The following ZNF385D variants were observed in gnomAD, a reference collection of about 807,000 sequenced individuals.
ZNF385D encodes the protein zinc finger protein 385D.
Under a neutral mutation model 35.8 loss-of-function variants are expected in ZNF385D, and 15 were observed. The observed-to-expected ratio is 0.42, with a 90% CI of 0.28 to 0.64. ZNF385D has a LOEUF of 0.64. Among genes scored for constraint, ZNF385D ranks in the 30% least tolerant of loss-of-function variants. ZNF385D has a pLI of 0.23. For missense variants in ZNF385D, 474 were observed against 494.6 expected, an observed-to-expected ratio of 0.96 and a Z score of 0.39; for synonymous variants, 212 against 186.8, an observed-to-expected ratio of 1.13 and a Z score of -1.10.
At chr3:21,569,268 T>G (rs1436705448) in intron 2 of ZNF385D, among the ~76,000 whole-genome samples, 9 of 147,472 alleles carry the variant, frequency 6.1e-5, no homozygotes, top group African/African-American at 1.8e-4. Flanking sequence ...CATATATATT[T>G]AGGATAGTTA....
intron 1 of ZNF385D, among the ~76,000 whole-genome samples, chr3:21,711,719 C>A (rs1466606347): frequency 6.6e-6 from 1 of 152,172 alleles, no homozygotes; most frequent in African/African-American, 2.4e-5. Context: ...TATGCATCTC[C>A]AAAGATATTA....
chr3:21,621,554 C>CGTGTGTGTGT (rs58332425), intron 2 of ZNF385D, among the ~76,000 whole-genome samples: 42,782 of 136,616 alleles, frequency 0.31, 7,057 homozygotes, highest in Non-Finnish European at 0.33. Flanking sequence ...AAAAAATTCC[C>CGTGTGTGTGT]GTGTGTGTGT....
chr3:22,019,251 G>C (rs1252945790), intron 3 of ZNF385D, among the ~76,000 whole-genome samples: 1 of 151,208 alleles, frequency 6.6e-6, no homozygotes, highest in South Asian at 2.1e-4. Flanking sequence ...CTTATTTCTA[G>C]AATGTGAGAA....
intron 3 of ZNF385D, among the ~76,000 whole-genome samples, chr3:22,005,974 T>C (rs892020175): frequency 1.3e-5 from 2 of 151,538 alleles, no homozygotes; most frequent in African/African-American, 4.8e-5. Context: ...TCTTCCCTCT[T>C]TCTCTCTCTC....
chr3:22,199,792 G>A (rs1270972397), intron 2 of ZNF385D, among the ~76,000 whole-genome samples: 1 of 151,970 alleles, frequency 6.6e-6, no homozygotes, highest in African/African-American at 2.4e-5. Flanking sequence ...TTAATACCCA[G>A]TCAACAAAAT....
intron 3 of ZNF385D, among the ~76,000 whole-genome samples, chr3:21,945,114 G>A (rs1701710039): frequency 7.9e-6 from 1 of 126,414 alleles, no homozygotes; most frequent in Admixed American, 9.3e-5. Context: ...GTGTGTGCAT[G>A]TATATACGTG....
At chr3:22,036,978 C>A (rs1468953440) in intron 3 of ZNF385D, among the ~76,000 whole-genome samples, 2 of 150,794 alleles carry the variant, frequency 1.3e-5, no homozygotes, top group African/African-American at 4.9e-5. Flanking sequence ...TTTTTTGTCC[C>A]TGTGATAGTT....
In ZNF385D at chr3:21,564,567, A is replaced by AACTT. The variant is rs1273392817; in HGVS notation, c.276+3_276+6dup. 21 of 1,506,132 alleles carry AACTT rather than the reference A, an allele frequency of 1.4e-5. No homozygotes were observed. The highest frequency in any genetic ancestry group is 2.2e-5 in the Admixed American group (1 of 46,392). The allele number at this position is 1,506,132 out of a possible 1,614,324, so 93.3% of individuals were successfully genotyped here. On this transcript the variant is annotated splice_region_variant and intron_variant, in intron 3 of 7. Coordinates refer to ENST00000281523, the MANE Select transcript of ZNF385D (RefSeq NM_024697.3). ...TTTTTTAAGTGAACACTAAATGATA[A>AACTT]ACTTACATCAGAATTAAATCTCAAC...
intron 3 of ZNF385D, among the ~76,000 whole-genome samples, chr3:22,138,739 T>C (rs1001629937): frequency 6.6e-6 from 1 of 152,082 alleles, no homozygotes; most frequent in African/African-American, 2.4e-5. Flanking sequence ...GGCAATACCA[T>C]TCAGGACATA....
intron 3 of ZNF385D, among the ~76,000 whole-genome samples, chr3:22,008,199 CTT>C (rs1696336886): frequency 6.6e-6 from 1 of 151,992 alleles, no homozygotes; most frequent in Non-Finnish European, 1.5e-5. Context: ...AAGTGCTACA[CTT>C]TCAAAATAAG....
chr3:21,659,543 G>A (rs1453542806), intron 2 of ZNF385D, among the ~76,000 whole-genome samples: 3 of 152,192 alleles, frequency 2.0e-5, no homozygotes, highest in East Asian at 3.9e-4. Flanking sequence ...TGTCATACAA[G>A]GAAGGCTCGT....
chr3:21,704,910 T>A (rs2125394903), intron 1 of ZNF385D, among the ~76,000 whole-genome samples: 1 of 152,288 alleles, frequency 6.6e-6, no homozygotes, highest in Non-Finnish European at 1.5e-5. Flanking sequence ...CTAGCATCCC[T>A]CTGCAGTGGG....
intron 3 of ZNF385D, among the ~76,000 whole-genome samples, chr3:21,777,995 A>G (rs1354631470): frequency 6.6e-6 from 1 of 151,908 alleles, no homozygotes; most frequent in East Asian, 1.9e-4. Context: ...GATGATATGC[A>G]GTGTGTCTCC....
At chr3:22,187,266 G>A (rs934044085) in intron 2 of ZNF385D, among the ~76,000 whole-genome samples, 2 of 152,006 alleles carry the variant, frequency 1.3e-5, no homozygotes, top group Admixed American at 1.3e-4. Flanking sequence ...TTATTTAATC[G>A]AAGTCTATTA....
intron 3 of ZNF385D, among the ~76,000 whole-genome samples, chr3:21,928,013 CAGG>C (rs1700819490): frequency 6.6e-6 from 1 of 151,984 alleles, no homozygotes; most frequent in Admixed American, 6.6e-5. Context: ...CACTTGAGCA[CAGG>C]AGATCAAGAC....
intron 4 of ZNF385D, among the ~76,000 whole-genome samples, chr3:21,457,486 G>A (rs1370292205): frequency 6.6e-6 from 1 of 152,038 alleles, no homozygotes; most frequent in Non-Finnish European, 1.5e-5. Flanking sequence ...CTCCTGAGTA[G>A]CTGGGACTAC....
chr3:22,085,690 C>T (rs1393164447), intron 3 of ZNF385D, among the ~76,000 whole-genome samples: 1 of 150,350 alleles, frequency 6.7e-6, no homozygotes, highest in Non-Finnish European at 1.5e-5. Flanking sequence ...TATTCCAAAC[C>T]CTAACTCATT....
At chr3:21,475,658 A>G (rs1372745666) in intron 4 of ZNF385D, among the ~76,000 whole-genome samples, 5 of 152,126 alleles carry the variant, frequency 3.3e-5, no homozygotes, top group African/African-American at 7.2e-5. Flanking sequence ...AAAGAGCTCC[A>G]TTCTGCTCAA....
intron 3 of ZNF385D, among the ~76,000 whole-genome samples, chr3:22,088,455 A>T (rs552425708): frequency 6.6e-6 from 1 of 152,284 alleles, no homozygotes; most frequent in East Asian, 1.9e-4. Context: ...GCACCATTCA[A>T]CGTGGTGTGA....
Sources: allele counts gnomAD v4.1 joint callset (sites outside exome capture counted in the v4.1 genomes callset), GRCh38; gene constraint gnomAD v4.1.1; transcripts MANE v1.5; gene names NCBI Gene and HGNC (gene_info 2026-07-23, HGNC 2026-07-21).